Variants in FHL2 observed in about 807,000 individuals in gnomAD.
The protein encoded by FHL2 is four and a half LIM domains 2.
FHL2 carries 20 observed loss-of-function variants against 32.7 expected under a neutral mutation model. The observed-to-expected ratio is 0.61, with a 90% CI of 0.43 to 0.89. FHL2 has a LOEUF of 0.89. FHL2 is among the 40% of genes least tolerant of loss of function. The pLI is 0.00. For missense variants in FHL2, 311 were observed against 358.6 expected, an observed-to-expected ratio of 0.87 and a Z score of 1.07; for synonymous variants, 123 against 128.1, an observed-to-expected ratio of 0.96 and a Z score of 0.27.
chr2:105,420,842 T>C (rs1684080083), intron 1 of FHL2, among the ~76,000 whole-genome samples: 1 of 152,188 alleles, frequency 6.6e-6, no homozygotes, highest in Non-Finnish European at 1.5e-5. Context: ...TCCACTGATC[T>C]GACAGGAGGT....
intron 2 of FHL2, among the ~76,000 whole-genome samples, chr2:105,395,525 G>C (rs1004638175): frequency 2.0e-4 from 30 of 152,198 alleles, no homozygotes; most frequent in African/African-American, 7.0e-4. Flanking sequence ...TGAATGACTG[G>C]CCACCTCCTT....
upstream of FHL2, among the ~76,000 whole-genome samples, chr2:105,400,686 A>ATTTTTTT (rs57296524): frequency 1.7e-4 from 23 of 132,852 alleles, no homozygotes; most frequent in South Asian, 7.4e-4. Context: ...TTATATTTTA[A>ATTTTTTT]TTTTTTTTTT....
In FHL2 at chr2:105,363,548, C is replaced by T. The variant is rs1433995972; in HGVS notation, c.502-77G>A. 10 of 1,341,340 alleles carry T rather than the reference C, an allele frequency of 7.5e-6. No individual in the cohort carries two copies. The East Asian group carries it at 1.0e-4, about 14-fold the overall frequency. 83.1% of individuals were successfully genotyped at this position (1,341,340 alleles called of 1,614,324 possible). ...TTCAGTCTCAGCTACTGCCACTGGA[C>T]GATGCAAGATCCTCATCCAGAAACG... On this transcript the variant is annotated intron_variant, in intron 5 of 6. Transcript: ENST00000530340.
rs138797831 is a variant in FHL2 at position 105,382,576 on chromosome 2, A to G, written c.156+3785T>C. On this transcript the variant is annotated intron_variant, in intron 3 of 6. Transcript: ENST00000530340. The stretch of plus-strand genomic sequence containing the variant: ...GAAATTTAGATCATGCAGTTTAGGC[A>G]TTTACAAGTGCCTGGAACAAGTCAT... 7.2e-5 allele frequency among the ~76,000 whole-genome samples: 11 copies of G among 152,366 alleles called. No homozygotes were observed. The East Asian group carries it at 1.7e-3, about 24-fold the overall frequency.
chr2:105,430,534 G>T (rs569870864), intron 1 of FHL2, among the ~76,000 whole-genome samples: 6 of 152,270 alleles, frequency 3.9e-5, no homozygotes, highest in African/African-American at 1.4e-4. Context: ...TGGGTGTGGT[G>T]GTGGGCACCT....
chr2:105,431,720 T>C (rs1308112189), intron 1 of FHL2, among the ~76,000 whole-genome samples: 1 of 152,216 alleles, frequency 6.6e-6, no homozygotes, highest in East Asian at 1.9e-4. Flanking sequence ...AGACACACTG[T>C]CTAATTTAAG....
At chr2:105,363,014 T>C (rs1208954268) in intron 6 of FHL2, 2 of 414,116 alleles carry the variant, frequency 4.8e-6, no homozygotes, top group Non-Finnish European at 8.8e-6. Context: ...AGACTGCAGT[T>C]TTAGCGATAA....
intron 3 of FHL2, among the ~76,000 whole-genome samples, chr2:105,384,953 A>G (rs1367023372): frequency 6.6e-6 from 1 of 152,248 alleles, no homozygotes; most frequent in Non-Finnish European, 1.5e-5. Flanking sequence ...TGTTAAATAC[A>G]TGAAAAGGGA....
intron 1 of FHL2, among the ~76,000 whole-genome samples, chr2:105,429,391 A>G (rs893559470): frequency 6.6e-6 from 1 of 152,212 alleles, no homozygotes; most frequent in Non-Finnish European, 1.5e-5. Flanking sequence ...ATTATTCTAC[A>G]TTATCTGGAC....
upstream of FHL2, chr2:105,399,139 G>A (rs1683357352): frequency 2.2e-6 from 3 of 1,374,616 alleles, no homozygotes; most frequent in African/African-American, 1.5e-5. Context: ...GCTGGCACCG[G>A]GCGTGGGGCG....
intron 2 of FHL2, among the ~76,000 whole-genome samples, chr2:105,387,592 C>T (rs1054318655): frequency 2.0e-5 from 3 of 152,248 alleles, no homozygotes; most frequent in African/African-American, 7.2e-5. Flanking sequence ...ACCTCAAGCC[C>T]TTCCAACAGG....
In FHL2 at chr2:105,423,026, A is replaced by C. The variant is rs1684152152; in HGVS notation, c.-25+15373T>G. On this transcript the variant is annotated intron_variant, in intron 1 of 5. Coordinates refer to the FHL2 transcript ENST00000393352. Reference sequence around the variant, plus strand: ...ACCCATTACAACTCCCTCATAGTGGAAAGCAAGCTGAGGATGCTTGCATTG... The same window carrying C: ...ACCCATTACAACTCCCTCATAGTGGCAAGCAAGCTGAGGATGCTTGCATTG... Among the ~76,000 whole-genome samples, 3 of 152,156 alleles carry C rather than the reference A, an allele frequency of 2.0e-5. No homozygotes were observed. In the South Asian group the frequency reaches 6.2e-4, roughly 31 times the overall value.
intron 1 of FHL2, among the ~76,000 whole-genome samples, chr2:105,424,075 C>T (rs1375777238): frequency 2.6e-5 from 4 of 152,028 alleles, no homozygotes; most frequent in Non-Finnish European, 5.9e-5. Context: ...CAACTATCAT[C>T]AGAGTTGAAC....
At chr2:105,435,356 C>T (rs972689975) in intron 1 of FHL2, among the ~76,000 whole-genome samples, 13 of 152,092 alleles carry the variant, frequency 8.5e-5, no homozygotes, top group Admixed American at 2.0e-4. Context: ...ACAAAGGATA[C>T]GACTTGGAGT....
At chr2:105,424,085 C>T (rs1241227339) in intron 1 of FHL2, among the ~76,000 whole-genome samples, 4 of 150,874 alleles carry the variant, frequency 2.7e-5, no homozygotes, top group Non-Finnish European at 5.9e-5. Context: ...CAGAGTTGAA[C>T]AGGCAACCTA....
At chr2:105,391,362 G>A (rs71417350) in intron 2 of FHL2, among the ~76,000 whole-genome samples, 179 of 152,320 alleles carry the variant, frequency 1.2e-3, no homozygotes, top group Non-Finnish European at 2.1e-3. Context: ...TGGGCACGCA[G>A]AGGAGGAGCC....
chr2:105,425,799 T>G (rs200263378), intron 1 of FHL2, among the ~76,000 whole-genome samples: 6 of 152,030 alleles, frequency 3.9e-5, no homozygotes, highest in Non-Finnish European at 7.4e-5. Flanking sequence ...TCACATGTTT[T>G]TTGCTGACCT....
chr2:105,430,496 G>T (rs188551892), intron 1 of FHL2, among the ~76,000 whole-genome samples: 1 of 152,122 alleles, frequency 6.6e-6, no homozygotes, highest in Non-Finnish European at 1.5e-5. Context: ...GTGTAACCTC[G>T]TCTCTACTAA....
At position 105,386,560 on chromosome 2, in the gene FHL2, A is replaced by T. The variant is rs1401959678; in HGVS notation, c.-24-20T>A. 1 of 1,612,668 alleles carries T rather than the reference A, an allele frequency of 6.2e-7. No individual in the cohort carries two copies. The highest frequency in any genetic ancestry group is 8.5e-7 in the Non-Finnish European group (1 of 1,179,496). ...AGCAACCTATCAAAAAGAAAAGAAA[A>T]TCCAAGTCCCATTAAGCACTCTCTG... On this transcript the variant is annotated intron_variant, in intron 2 of 6. Coordinates refer to ENST00000530340, the MANE Select transcript of FHL2 (RefSeq NM_001318895.3).
Sources: gnomAD v4.1 joint callset for allele counts (sites outside exome capture counted in the v4.1 genomes callset) on GRCh38, gnomAD v4.1.1 for gene constraint, MANE v1.5 for transcripts, NCBI Gene and HGNC (gene_info 2026-07-23, HGNC 2026-07-21) for gene names.